COL26A1: variants seen among roughly 807,000 people sequenced by gnomAD.
The protein encoded by COL26A1 is collagen alpha-1(XXVI) chain.
Under a neutral mutation model 59.3 loss-of-function variants are expected in COL26A1, and 41 were observed. That is an observed-to-expected ratio of 0.69 (90% confidence interval 0.54 to 0.90). The LOEUF (loss-of-function observed/expected upper bound fraction) is 0.90, where lower values mean the gene tolerates loss of function less well. Among genes scored for constraint, COL26A1 ranks in the 40% least tolerant of loss-of-function variants. COL26A1 has a pLI of 0.00. For missense variants in COL26A1, 612 were observed against 602.3 expected (o/e 1.02, Z -0.17); for synonymous variants, 266 against 256.0 (o/e 1.04, Z -0.37).
intron 5 of COL26A1, among the ~76,000 whole-genome samples, chr7:101,542,491 C>A (rs1021776022): frequency 6.6e-6 from 1 of 152,156 alleles, no homozygotes; most frequent in African/African-American, 2.4e-5. Context: ...AAGTGACACC[C>A]CTGGGGTCAC....
chr7:101,412,220 C>T (rs10243385), intron 1 of COL26A1, among the ~76,000 whole-genome samples: 8 of 152,028 alleles, frequency 5.3e-5, no homozygotes, highest in Non-Finnish European at 7.4e-5. Context: ...CCCACCAGTG[C>T]GCCATGTCAG....
chr7:101,402,144 C>T (rs533242956), intron 1 of COL26A1, among the ~76,000 whole-genome samples: 7 of 152,102 alleles, frequency 4.6e-5, no homozygotes, highest in Admixed American at 2.0e-4. Context: ...GGGGTGCCAC[C>T]GGCTGCCGGA....
chr7:101,447,818 GC>G, intron 3 of COL26A1, 31 bp downstream of exon 3: 1 of 1,410,116 alleles, frequency 7.1e-7, no homozygotes, highest in Non-Finnish European at 9.9e-7. Context: ...GCTGCAGGGG[GC>G]CAGGCGTGGG....
rs141789786 is a variant in COL26A1 at position 101,420,208 on chromosome 7, T to C, written c.281+109T>C. The C allele has an allele frequency of 7.6e-5, 100 of 1,320,456 alleles. No homozygotes were observed. The East Asian group carries it at 2.3e-3, about 30-fold the overall frequency. 81.8% of individuals were successfully genotyped at this position (1,320,456 alleles called of 1,614,324 possible). A position where few individuals can be genotyped will look rare whatever the true frequency, so the allele number is the denominator to read the frequency against. Reference sequence around the variant, plus strand: ...CTGGGCTGTGCTCACAGACAAAGGCTGAGCATGCATTTATGGAGCACCTTC... The same window carrying C: ...CTGGGCTGTGCTCACAGACAAAGGCCGAGCATGCATTTATGGAGCACCTTC... On this transcript the variant is annotated intron_variant, in intron 2 of 12. Coordinates refer to ENST00000313669, the MANE Select transcript of COL26A1 (RefSeq NM_001278563.3).
chr7:101,555,209 G>T (rs1795945202), intron 11 of COL26A1, among the ~76,000 whole-genome samples: 2 of 152,122 alleles, frequency 1.3e-5, no homozygotes, highest in South Asian at 4.1e-4. Flanking sequence ...CTTGTGTGCA[G>T]ACCGGGCCCT....
At chr7:101,414,141 CCTT>C (rs1277780232) in intron 1 of COL26A1, among the ~76,000 whole-genome samples, 1 of 152,094 alleles carries the variant, frequency 6.6e-6, no homozygotes, top group African/African-American at 2.4e-5. Flanking sequence ...TCTCTGCCTC[CCTT>C]CTTCGTTGTT....
intron 5 of COL26A1, 62 bp downstream of exon 5, chr7:101,540,111 C>T (rs1179536060): frequency 6.6e-7 from 1 of 1,516,220 alleles, no homozygotes; most frequent in Non-Finnish European, 8.9e-7. Context: ...GCATGGCCTC[C>T]CAGGGCCTCC....
rs1005685206 is a variant in COL26A1, at chr7:101,551,039, G to T, written c.994-69G>T. The stretch of plus-strand genomic sequence containing the variant: ...CAGAGCACAGTGGGCGGGGAGGGGG[G>T]TGGCCAGAGGGCACTGGAGACTTGG... On this transcript the variant is annotated intron_variant, in intron 9 of 12. Coordinates refer to ENST00000313669, the MANE Select transcript of COL26A1 (RefSeq NM_001278563.3). 6.1e-6 allele frequency: 9 copies of T among 1,477,682 alleles called. No homozygotes were observed. The African/African-American group carries it at 1.3e-4, about 21-fold the overall frequency. 91.5% of individuals were successfully genotyped at this position (1,477,682 alleles called of 1,614,324 possible).
rs528858751 is a variant in COL26A1, at chr7:101,515,238, G to A, written c.386-17844G>A. ...CACAAACGGTGCCTCTCTGATCAAGGAGAAATTGGTGTTTCTGGATTCGAG... is the reference window on the plus strand; with the variant it reads ...CACAAACGGTGCCTCTCTGATCAAGAAGAAATTGGTGTTTCTGGATTCGAG... On this transcript the variant is annotated intron_variant, in intron 3 of 12. Transcript: ENST00000313669. 1.4e-3 allele frequency among the ~76,000 whole-genome samples: 214 copies of A among 152,254 alleles called. 1 individual carries two copies. The highest frequency in any genetic ancestry group is 5.0e-3 in the African/African-American group (207 of 41,550).
intron 1 of COL26A1, among the ~76,000 whole-genome samples, chr7:101,368,323 A>G (rs1176419437): frequency 2.0e-5 from 3 of 152,208 alleles, no homozygotes; most frequent in Non-Finnish European, 2.9e-5. Context: ...CGCAAAGTGG[A>G]TGCAAGACAG....
chr7:101,552,028 C>T (rs905120605), intron 10 of COL26A1, among the ~76,000 whole-genome samples: 12 of 152,164 alleles, frequency 7.9e-5, no homozygotes, highest in Non-Finnish European at 1.6e-4. Context: ...AGCCACACAG[C>T]GAGGCAGTGG....
At chr7:101,501,890 A>C (rs1008056019) in intron 3 of COL26A1, among the ~76,000 whole-genome samples, 1 of 152,082 alleles carries the variant, frequency 6.6e-6, no homozygotes, top group Admixed American at 6.5e-5. Context: ...GGCCCTGTGT[A>C]TACATGGGCT....
intron 3 of COL26A1, among the ~76,000 whole-genome samples, chr7:101,477,376 G>T (rs1794072502): frequency 6.6e-6 from 1 of 152,180 alleles, no homozygotes; most frequent in Admixed American, 6.5e-5. Flanking sequence ...TGAGGTTTGT[G>T]TGTGTGCAGT....
chr7:101,386,323 G>A (rs898818835), intron 1 of COL26A1, among the ~76,000 whole-genome samples: 21 of 148,382 alleles, frequency 1.4e-4, no homozygotes, highest in Non-Finnish European at 2.2e-4. Context: ...CAGGCTAAGT[G>A]CAGTGGCACG....
At chr7:101,513,955 G>GTA (rs887958491) in intron 3 of COL26A1, among the ~76,000 whole-genome samples, 16 of 152,144 alleles carry the variant, frequency 1.1e-4, no homozygotes, top group African/African-American at 3.6e-4. Flanking sequence ...GCATGAATGG[G>GTA]TATTTCCCAG....
At chr7:101,466,895 T>TC (rs1167907846) in intron 3 of COL26A1, among the ~76,000 whole-genome samples, 1 of 150,992 alleles carries the variant, frequency 6.6e-6, no homozygotes, top group Non-Finnish European at 1.5e-5. Flanking sequence ...TCAGTATGGA[T>TC]CCCCTGAGTA....
intron 9 of COL26A1, among the ~76,000 whole-genome samples, chr7:101,549,443 G>A (rs771795996): frequency 3.3e-5 from 5 of 152,068 alleles, no homozygotes; most frequent in East Asian, 1.9e-4. Context: ...GTGCAGTGGC[G>A]CCATCTCAGC....
chr7:101,390,189 A>G (rs1791696111), intron 1 of COL26A1, among the ~76,000 whole-genome samples: 2 of 108,446 alleles, frequency 1.8e-5, no homozygotes, highest in Non-Finnish European at 3.4e-5. Context: ...ACAAAGTCTC[A>G]TTCTGTCATC....
intron 2 of COL26A1, among the ~76,000 whole-genome samples, chr7:101,434,349 T>C (rs1242543627): frequency 6.6e-6 from 1 of 151,540 alleles, no homozygotes; most frequent in Non-Finnish European, 1.5e-5. Context: ...CAACTCCTGG[T>C]CTCCAGTGGT....
Sources: gnomAD v4.1 joint callset for allele counts (sites outside exome capture counted in the v4.1 genomes callset) on GRCh38, gnomAD v4.1.1 for gene constraint, MANE v1.5 for transcripts, NCBI Gene and HGNC (gene_info 2026-07-23, HGNC 2026-07-21) for gene names.